Variants in OR51B5 observed in about 807,000 individuals in gnomAD.
The protein encoded by OR51B5 is olfactory receptor family 51 subfamily B member 5.
For synonymous variants in OR51B5, 186 were observed against 144.8 expected, an observed-to-expected ratio of 1.28 and a Z score of -2.04; for missense variants, 456 against 374.6, an observed-to-expected ratio of 1.22 and a Z score of -1.79.
chr11:5,400,438 T>C (rs917673037), intron 1 of OR51B5, among the ~76,000 whole-genome samples: 3 of 152,190 alleles, frequency 2.0e-5, no homozygotes, highest in African/African-American at 7.2e-5. Flanking sequence ...GCCACTGCCA[T>C]GATAATTTCC....
chr11:5,415,506 C>A (rs1335892543), intron 1 of OR51B5, among the ~76,000 whole-genome samples: 2 of 151,518 alleles, frequency 1.3e-5, no homozygotes, highest in Non-Finnish European at 2.9e-5. Context: ...TTGAAAGGAT[C>A]AACAAAATTC....
chr11:5,444,014 A>T (rs1466311630), intron 1 of OR51B5, among the ~76,000 whole-genome samples: 1 of 152,142 alleles, frequency 6.6e-6, no homozygotes, highest in Non-Finnish European at 1.5e-5. Context: ...AAATACTATC[A>T]TGCAACAACT....
chr11:5,376,934 G>C (rs901624825), intron 1 of OR51B5, among the ~76,000 whole-genome samples: 5 of 151,478 alleles, frequency 3.3e-5, no homozygotes, highest in African/African-American at 1.2e-4. Flanking sequence ...AACAGAAAAA[G>C]AAGGAATCCT....
At chr11:5,454,533 AG>A in intron 1 of OR51B5, 3 of 975,548 alleles carry the variant, frequency 3.1e-6, no homozygotes, top group Non-Finnish European at 1.5e-6. Flanking sequence ...CTGCGGGAAA[AG>A]TAGGCCAGGA....
intron 1 of OR51B5, among the ~76,000 whole-genome samples, chr11:5,414,653 C>A (rs1273498929): frequency 1.3e-5 from 2 of 151,968 alleles, no homozygotes; most frequent in Non-Finnish European, 2.9e-5. Context: ...ATAAAACAGA[C>A]TTTAAACCAA....
intron 1 of OR51B5, among the ~76,000 whole-genome samples, chr11:5,456,928 T>C (rs1449851943): frequency 6.6e-6 from 1 of 152,154 alleles, no homozygotes; most frequent in Non-Finnish European, 1.5e-5. Flanking sequence ...TCTCTATTAG[T>C]CCTCCTCTGG....
chr11:5,476,587 TG>T (rs1391817513), intron 1 of OR51B5, among the ~76,000 whole-genome samples: 22 of 152,318 alleles, frequency 1.4e-4, no homozygotes, highest in African/African-American at 5.1e-4. Context: ...CAGTATTTCA[TG>T]TATTTACACT....
chr11:5,352,516 T>A, intron 1 of OR51B5: 2 of 941,300 alleles, frequency 2.1e-6, no homozygotes, highest in Non-Finnish European at 3.2e-6. Flanking sequence ...CCAGCATAAG[T>A]AACTAGGGAA....
At chr11:5,478,244 G>A (rs1333167151) in intron 1 of OR51B5, among the ~76,000 whole-genome samples, 1 of 152,044 alleles carries the variant, frequency 6.6e-6, no homozygotes, top group Non-Finnish European at 1.5e-5. Flanking sequence ...CCCCCCAGCA[G>A]GGGCATACTG....
intron 1 of OR51B5, among the ~76,000 whole-genome samples, chr11:5,468,072 G>C (rs2082370664): frequency 6.6e-6 from 1 of 152,204 alleles, no homozygotes; most frequent in Non-Finnish European, 1.5e-5. Flanking sequence ...TGAGTTTAAA[G>C]ATATTCAGAA....
intron 1 of OR51B5, chr11:5,403,502 T>C: frequency 2.1e-6 from 1 of 471,822 alleles, no homozygotes; most frequent in Non-Finnish European, 4.4e-6. Context: ...AGGAGATCCA[T>C]GGTGCCATTG....
At chr11:5,407,956 G>C (rs1669744018) in intron 1 of OR51B5, among the ~76,000 whole-genome samples, 1 of 152,002 alleles carries the variant, frequency 6.6e-6, no homozygotes, top group South Asian at 2.1e-4. Context: ...AGATTTGAGA[G>C]AATATATTTT....
At chr11:5,481,516 A>G (rs1438909342) in intron 1 of OR51B5, among the ~76,000 whole-genome samples, 1 of 146,408 alleles carries the variant, frequency 6.8e-6, no homozygotes, top group Non-Finnish European at 1.5e-5. Flanking sequence ...CAGGGCAATT[A>G]GGCAGGAGAA....
intron 1 of OR51B5, among the ~76,000 whole-genome samples, chr11:5,377,268 T>A (rs1849542024): frequency 6.6e-6 from 1 of 152,274 alleles, no homozygotes; most frequent in East Asian, 1.9e-4. Context: ...CAACCCTTCA[T>A]GCTAAAAACT....
chr11:5,378,763 T>A (rs558422883), intron 1 of OR51B5, among the ~76,000 whole-genome samples: 4,687 of 151,804 alleles, frequency 0.031, 241 homozygotes, highest in African/African-American at 0.11. Context: ...CACAATGAGA[T>A]ACCATCTCAT....
rs972725439 is a variant in OR51B5 at position 5,480,555 on chromosome 11, C to T, written n.84+25014G>A. Among the ~76,000 whole-genome samples the T allele has an allele frequency of 3.3e-5, 5 of 151,368 alleles. No homozygotes were observed. In the East Asian group the frequency reaches 5.9e-4, roughly 18 times the overall value. ...AGACACAAAAAACCCTTCAAAAAATCAATGAATCCAGGAGCTGGTTTTTTG... is the reference window on the plus strand; with the variant it reads ...AGACACAAAAAACCCTTCAAAAAATTAATGAATCCAGGAGCTGGTTTTTTG... On this transcript the variant is annotated intron_variant and non_coding_transcript_variant, in intron 1 of 4. Transcript: ENST00000415970.
At chr11:5,414,280 A>G (rs534210782) in intron 1 of OR51B5, among the ~76,000 whole-genome samples, 1 of 151,330 alleles carries the variant, frequency 6.6e-6, no homozygotes, top group Non-Finnish European at 1.5e-5. Context: ...CTCCTGAAGG[A>G]AGCACTAAAC....
intron 1 of OR51B5, among the ~76,000 whole-genome samples, chr11:5,381,011 T>G (rs1338850732): frequency 6.6e-6 from 1 of 152,134 alleles, no homozygotes. Context: ...AATCTCCTAC[T>G]TCACCAAGCC....
chr11:5,493,743 T>C (rs1409902343), intron 1 of OR51B5, among the ~76,000 whole-genome samples: 1 of 152,182 alleles, frequency 6.6e-6, no homozygotes, highest in Non-Finnish European at 1.5e-5. Flanking sequence ...TCAGACTATC[T>C]TAGGTTTAAA....
Sources: gnomAD v4.1 joint callset for allele counts (sites outside exome capture counted in the v4.1 genomes callset) on GRCh38, gnomAD v4.1.1 for gene constraint, MANE v1.5 for transcripts, NCBI Gene and HGNC (gene_info 2026-07-23, HGNC 2026-07-21) for gene names.